Variants in CNTN5 observed in about 807,000 individuals in gnomAD.
CNTN5 encodes the protein contactin 5, also known as contactin-5.
Under a neutral mutation model 129.1 loss-of-function variants are expected in CNTN5, and 77 were observed. That is an observed-to-expected ratio of 0.60 (90% CI 0.50 to 0.72). The LOEUF is 0.72. CNTN5 is among the 30% of genes least tolerant of loss of function. The pLI, the probability that CNTN5 is intolerant of heterozygous loss-of-function variation, is 0.00. For missense variants in CNTN5, 1,478 were observed against 1,328.8 expected (o/e 1.11, Z -1.75); for synonymous variants, 509 against 465.6 (o/e 1.09, Z -1.20).
At chr11:99,593,511 G>A (rs1256799741) in intron 3 of CNTN5, among the ~76,000 whole-genome samples, 1 of 152,118 alleles carries the variant, frequency 6.6e-6, no homozygotes, top group East Asian at 1.9e-4. Flanking sequence ...AGCATGCTAT[G>A]ACAGAATAGT....
At chr11:100,222,491 TG>T (rs1949286604) in intron 15 of CNTN5, among the ~76,000 whole-genome samples, 1 of 152,090 alleles carries the variant, frequency 6.6e-6, no homozygotes, top group South Asian at 2.1e-4. Context: ...ATAAATTATT[TG>T]GGAAGACAAA....
intron 6 of CNTN5, among the ~76,000 whole-genome samples, chr11:99,856,491 C>G (rs1948038239): frequency 6.6e-6 from 1 of 152,126 alleles, no homozygotes; most frequent in African/African-American, 2.4e-5. Context: ...TGCCTATAGT[C>G]TAAGTGTAGC....
At chr11:99,173,402 G>C (rs1857622617) in intron 1 of CNTN5, among the ~76,000 whole-genome samples, 1 of 152,132 alleles carries the variant, frequency 6.6e-6, no homozygotes, top group Admixed American at 6.5e-5. Flanking sequence ...TGGAAAAAGA[G>C]AAAGAAGACA....
At chr11:100,306,510 A>G (rs1464409652) in intron 20 of CNTN5, among the ~76,000 whole-genome samples, 1 of 151,752 alleles carries the variant, frequency 6.6e-6, no homozygotes, top group Non-Finnish European at 1.5e-5. Context: ...AAATCTCTGT[A>G]ATGCATTTAT....
intron 1 of CNTN5, among the ~76,000 whole-genome samples, chr11:99,171,128 G>A (rs1460993377): frequency 6.6e-6 from 1 of 151,780 alleles, no homozygotes; most frequent in African/African-American, 2.4e-5. Context: ...ATATTATTTG[G>A]GAGAATTCTT....
intron 24 of CNTN5, among the ~76,000 whole-genome samples, chr11:100,353,109 T>C (rs1258477114): frequency 1.3e-5 from 2 of 151,702 alleles, no homozygotes; most frequent in East Asian, 1.9e-4. Flanking sequence ...GAAGTACTTA[T>C]GACAACCTTA....
chr11:100,175,740 A>G (rs1229894262), intron 13 of CNTN5, among the ~76,000 whole-genome samples: 1 of 152,152 alleles, frequency 6.6e-6, no homozygotes, highest in African/African-American at 2.4e-5. Context: ...TCAGTAAATG[A>G]GACCAATAAT....
At chr11:99,689,067 A>G (rs964377739) in intron 3 of CNTN5, among the ~76,000 whole-genome samples, 2 of 152,140 alleles carry the variant, frequency 1.3e-5, no homozygotes, top group African/African-American at 4.8e-5. Flanking sequence ...TAATGAATAC[A>G]CACATGCATG....
chr11:99,302,007 G>A (rs1373132389), intron 1 of CNTN5, among the ~76,000 whole-genome samples: 2 of 151,396 alleles, frequency 1.3e-5, no homozygotes, highest in Non-Finnish European at 3.0e-5. Context: ...GCTTCAGTAG[G>A]AGTTATAAAA....
At chr11:99,587,170 G>A (rs893584531) in intron 3 of CNTN5, among the ~76,000 whole-genome samples, 1 of 152,156 alleles carries the variant, frequency 6.6e-6, no homozygotes, top group Non-Finnish European at 1.5e-5. Context: ...TTTGCAGTAT[G>A]GGTAATCCGC....
intron 3 of CNTN5, among the ~76,000 whole-genome samples, chr11:99,729,686 T>G (rs1405763050): frequency 6.6e-6 from 1 of 152,118 alleles, no homozygotes; most frequent in African/African-American, 2.4e-5. Context: ...AAAGAAAATA[T>G]GGTACATACA....
At chr11:100,029,134 T>G (rs1169223563) in intron 9 of CNTN5, among the ~76,000 whole-genome samples, 1 of 150,294 alleles carries the variant, frequency 6.7e-6, no homozygotes, top group Non-Finnish European at 1.5e-5. Flanking sequence ...TGGAAAAACA[T>G]ACATGTGATT....
chr11:99,149,077 G>C (rs1183503774), intron 1 of CNTN5, among the ~76,000 whole-genome samples: 1 of 152,140 alleles, frequency 6.6e-6, no homozygotes, highest in African/African-American at 2.4e-5. Context: ...ATAATCATTA[G>C]AGGTATTGTC....
At chr11:99,997,996 G>T (rs1001572461) in intron 8 of CNTN5, among the ~76,000 whole-genome samples, 1 of 152,088 alleles carries the variant, frequency 6.6e-6, no homozygotes, top group Non-Finnish European at 1.5e-5. Context: ...GGATTGATGG[G>T]ACGTATCTCA....
In CNTN5 at chr11:100,231,933, C is replaced by G. The variant is rs143101484; in HGVS notation, c.2005+7121C>G. On this transcript the variant is annotated intron_variant, in intron 16 of 24. Coordinates refer to ENST00000524871, the MANE Select transcript of CNTN5 (RefSeq NM_014361.4). The stretch of plus-strand genomic sequence containing the variant: ...ATTTTGGAAGGCAAGGTGGGCAGAT[C>G]ACTTGAGGTCAGGAGATCGAGACCA... 5.8e-3 allele frequency among the ~76,000 whole-genome samples: 879 copies of G among 152,226 alleles called. 8 individuals are homozygous for G. The highest frequency in any genetic ancestry group is 9.2e-3 in the Non-Finnish European group (625 of 68,020).
intron 6 of CNTN5, among the ~76,000 whole-genome samples, chr11:99,871,585 G>C (rs536253783): frequency 6.6e-6 from 1 of 151,924 alleles, no homozygotes; most frequent in African/African-American, 2.4e-5. Flanking sequence ...CTGGGAAAAC[G>C]TGATTTATAT....
chr11:99,882,107 C>A (rs1179012417), intron 6 of CNTN5, among the ~76,000 whole-genome samples: 1 of 152,122 alleles, frequency 6.6e-6, no homozygotes, highest in Non-Finnish European at 1.5e-5. Context: ...GACTGAGGGA[C>A]TGTGAAGCTA....
chr11:99,426,043 T>C (rs1943105202), intron 2 of CNTN5, among the ~76,000 whole-genome samples: 1 of 152,244 alleles, frequency 6.6e-6, no homozygotes, highest in African/African-American at 2.4e-5. Context: ...AGGAACCTCA[T>C]ACAATTTTGC....
At position 99,264,771 on chromosome 11, in the gene CNTN5, T is replaced by C. The variant is rs555004372; in HGVS notation, c.-209-60575T>C. ...AAGAAGTTATTTTTGTGTGTATTAG[T>C]ATAAGATATTGTCCAAGAACAATTT... On this transcript the variant is annotated intron_variant, in intron 1 of 24. Coordinates refer to ENST00000524871, the MANE Select transcript of CNTN5 (RefSeq NM_014361.4). Among the ~76,000 whole-genome samples, 23 of 152,248 alleles carry C rather than the reference T, an allele frequency of 1.5e-4. 1 individual carries two copies. The South Asian group carries it at 4.8e-3, about 32-fold the overall frequency.
Sources: gnomAD v4.1 joint callset for allele counts (sites outside exome capture counted in the v4.1 genomes callset) on GRCh38, gnomAD v4.1.1 for gene constraint, MANE v1.5 for transcripts, NCBI Gene and HGNC (gene_info 2026-07-23, HGNC 2026-07-21) for gene names.